The following MYBL2 variants were observed in gnomAD, a reference collection of about 807,000 sequenced individuals.
The protein encoded by MYBL2 is MYB proto-oncogene like 2.
Under a neutral mutation model 79.9 loss-of-function variants are expected in MYBL2, and 28 were observed. The observed-to-expected ratio is 0.35, with a 90% CI of 0.26 to 0.48. The LOEUF (loss-of-function observed/expected upper bound fraction) is 0.48, where lower values mean the gene tolerates loss of function less well. MYBL2 is among the 20% of genes least tolerant of loss of function. The pLI is 0.99. For missense variants in MYBL2, 735 were observed against 893.9 expected (o/e 0.82, Z 2.27); for synonymous variants, 378 against 361.2 (o/e 1.05, Z -0.53).
intron 5 of MYBL2, 79 bp downstream of exon 5, chr20:43,687,151 G>C: frequency 7.0e-7 from 1 of 1,425,050 alleles, no homozygotes; most frequent in Non-Finnish European, 9.6e-7. Context: ...GTTCCTGGGT[G>C]GGTATTGTGG....
At chr20:43,687,971 C>G (rs1987317799) in intron 5 of MYBL2, among the ~76,000 whole-genome samples, 1 of 145,448 alleles carries the variant, frequency 6.9e-6, no homozygotes, top group South Asian at 2.2e-4. Flanking sequence ...GAGATCATAT[C>G]ACTGCACTCC....
chr20:43,713,061 G>A lies in MYBL2; in HGVS notation c.1779G>A (p.Glu593=). 1.2e-6 allele frequency: 2 copies of A among 1,613,450 alleles called. No individual in the cohort carries two copies. Among genetic ancestry groups the A allele is most frequent in the Non-Finnish European group, 1.7e-6 (2 of 1,179,766 alleles). The change falls in exon 12 of 14, where the codon GAG becomes GAA. Residue 593 remains glutamate (E), a synonymous_variant. Transcript: ENST00000217026. ...RKSLALDIVD[E]DVKLMMSTLP... is the part of the protein sequence containing the mutation. ...CTCTGGCTCTTGACATTGTGGATGA[G>A]GATGTGAAGCTGATGATGTCCACAC...
At chr20:43,703,697 G>C (rs991171805) in intron 8 of MYBL2, among the ~76,000 whole-genome samples, 4 of 152,192 alleles carry the variant, frequency 2.6e-5, no homozygotes, top group South Asian at 4.1e-4. Context: ...CTGTGGGAGA[G>C]AGCGAGGCCC....
chr20:43,696,781 C>T (rs1294316178), intron 6 of MYBL2, among the ~76,000 whole-genome samples: 1 of 152,292 alleles, frequency 6.6e-6, no homozygotes, highest in African/African-American at 2.4e-5. Context: ...GGCTGGAGTG[C>T]AGTGGTGTGA....
intron 8 of MYBL2, among the ~76,000 whole-genome samples, chr20:43,704,484 A>G (rs1987737461): frequency 6.6e-6 from 1 of 152,186 alleles, no homozygotes; most frequent in Admixed American, 6.5e-5. Flanking sequence ...TCCCTCAGCT[A>G]CTATTTGGGA....
At chr20:43,680,172 A>G (rs1407611432) in intron 2 of MYBL2, among the ~76,000 whole-genome samples, 1 of 152,136 alleles carries the variant, frequency 6.6e-6, no homozygotes, top group African/African-American at 2.4e-5. Context: ...CTGGGATCAC[A>G]GGCGCCTGCC....
intron 6 of MYBL2, among the ~76,000 whole-genome samples, chr20:43,696,543 C>A (rs1236195528): frequency 6.6e-6 from 1 of 152,294 alleles, no homozygotes; most frequent in Admixed American, 6.5e-5. Flanking sequence ...ATGTCTTACT[C>A]TTTTACAACT....
chr20:43,691,462 C>T (rs1987406207), intron 5 of MYBL2, among the ~76,000 whole-genome samples: 1 of 151,958 alleles, frequency 6.6e-6, no homozygotes. Context: ...GCTGGGATTA[C>T]AGGTGCCTGG....
At chr20:43,675,956 G>A (rs1433483130) in intron 2 of MYBL2, among the ~76,000 whole-genome samples, 1 of 149,932 alleles carries the variant, frequency 6.7e-6, no homozygotes, top group Non-Finnish European at 1.5e-5. Flanking sequence ...CCAGGCTGTA[G>A]TGCAGTGGTG....
chr20:43,702,250 G>A (rs1394999741), intron 7 of MYBL2, among the ~76,000 whole-genome samples: 1 of 152,214 alleles, frequency 6.6e-6, no homozygotes, highest in African/African-American at 2.4e-5. Context: ...AGTGAGCTGT[G>A]ATTGTGCTAC....
chr20:43,686,082 A>T (rs183043430), intron 4 of MYBL2, among the ~76,000 whole-genome samples: 92 of 146,756 alleles, frequency 6.3e-4, no homozygotes, highest in African/African-American at 2.2e-3. Flanking sequence ...TAAAATCTTT[A>T]AAAAAAAAAA....
At position 43,692,058 on chromosome 20, in the gene MYBL2, T is replaced by C. The variant is rs547086263; in HGVS notation, c.501-99T>C. ...AGAGTTCATCTAGTGGAAGATTCAT[T>C]TACAGGAGCAGGAACTTGGCTTAGG... On this transcript the variant is annotated intron_variant, in intron 5 of 13. Coordinates refer to ENST00000217026, the MANE Select transcript of MYBL2 (RefSeq NM_002466.4). 844 of 1,142,140 alleles carry C rather than the reference T, an allele frequency of 7.4e-4. 5 individuals carry two copies. The highest frequency in any genetic ancestry group is 1.6e-4 in the Non-Finnish European group (130 of 790,106). The allele number at this position is 1,142,140 out of a possible 1,614,324, so 70.8% of individuals were successfully genotyped here.
At chr20:43,696,555 T>C (rs1568866310) in intron 6 of MYBL2, among the ~76,000 whole-genome samples, 2 of 152,294 alleles carry the variant, frequency 1.3e-5, no homozygotes, top group Non-Finnish European at 2.9e-5. Flanking sequence ...TTTACAACTT[T>C]CTTTTTCTAT....
At chr20:43,704,304 C>G (rs998471250) in intron 8 of MYBL2, among the ~76,000 whole-genome samples, 4 of 152,202 alleles carry the variant, frequency 2.6e-5, no homozygotes, top group African/African-American at 9.7e-5. Flanking sequence ...GCGTGAGCCA[C>G]CGCGCCTGGC....
intron 9 of MYBL2, among the ~76,000 whole-genome samples, chr20:43,708,560 G>A (rs73116578): frequency 8.5e-4 from 130 of 152,176 alleles, no homozygotes; most frequent in Non-Finnish European, 1.6e-3. Flanking sequence ...AGCCTCTGGA[G>A]TAGTTGGGAC....
intron 2 of MYBL2, among the ~76,000 whole-genome samples, chr20:43,681,575 TC>T (rs1600546330): frequency 6.6e-6 from 1 of 152,218 alleles, no homozygotes; most frequent in Non-Finnish European, 1.5e-5. Flanking sequence ...CTGTGAGCCT[TC>T]CATTGGCAGC....
chr20:43,705,477 CTG>C, intron 9 of MYBL2, 119 bp downstream of exon 9: 5 of 1,206,780 alleles, frequency 4.1e-6, no homozygotes, highest in Non-Finnish European at 5.4e-6. Flanking sequence ...ACACTGAAGA[CTG>C]TTTTAAGAAA....
intron 1 of MYBL2, among the ~76,000 whole-genome samples, chr20:43,670,736 A>G (rs1464797568): frequency 6.6e-6 from 1 of 152,156 alleles, no homozygotes; most frequent in African/African-American, 2.4e-5. Flanking sequence ...GAGAACAAGG[A>G]GAAGGTAATG....
chr20:43,681,721 C>A, intron 2 of MYBL2, 63 bp from the exon 3 acceptor site: 1 of 1,548,634 alleles, frequency 6.5e-7, no homozygotes, highest in Non-Finnish European at 8.9e-7. Context: ...GGCTCTGTCA[C>A]GGGCAGCCCT....
Sources: gnomAD v4.1 joint callset for allele counts (sites outside exome capture counted in the v4.1 genomes callset) on GRCh38, gnomAD v4.1.1 for gene constraint, MANE v1.5 for transcripts, NCBI Gene and HGNC (gene_info 2026-07-23, HGNC 2026-07-21) for gene names.